PRELID2: variants seen among roughly 807,000 people sequenced by gnomAD.
The protein encoded by PRELID2 is PRELI domain containing 2.
A neutral mutation model predicts 28.4 loss-of-function variants in PRELID2; 25 were observed. The observed-to-expected ratio is 0.88, with a 90% CI of 0.64 to 1.23. PRELID2 has a LOEUF of 1.23. PRELID2 is among the 50% of genes most tolerant of loss of function. PRELID2 has a pLI of 0.00. For missense variants in PRELID2, 201 were observed against 214.4 expected (o/e 0.94, Z 0.39); for synonymous variants, 76 against 71.6 (o/e 1.06, Z -0.31).
At chr5:145,380,839 C>A in the PRELID2 span, among the ~76,000 whole-genome samples, 1 of 152,046 alleles carries the variant, frequency 6.6e-6, no homozygotes, top group African/African-American at 2.4e-5. Context: ...TATTGTCATC[C>A]ATAACAAAGG....
chr5:145,782,986 C>T (rs766508696), intron 5 of PRELID2, among the ~76,000 whole-genome samples: 23 of 152,222 alleles, frequency 1.5e-4, no homozygotes, highest in Non-Finnish European at 2.4e-4. Flanking sequence ...CCTCAGAGAG[C>T]GGCCAAGACA....
At chr5:145,289,803 C>T in the PRELID2 span, among the ~76,000 whole-genome samples, 1 of 152,160 alleles carries the variant, frequency 6.6e-6, no homozygotes, top group Non-Finnish European at 1.5e-5. Flanking sequence ...CATTCTACTA[C>T]ATGTATAGTG....
the PRELID2 span, among the ~76,000 whole-genome samples, chr5:145,246,981 G>C: frequency 1.3e-5 from 2 of 152,168 alleles, no homozygotes; most frequent in Admixed American, 6.5e-5. Context: ...TTATGGTTTA[G>C]GGGTTATGCA....
chr5:145,688,502 T>A (rs894999250), intron 1 of PRELID2, among the ~76,000 whole-genome samples: 4 of 152,128 alleles, frequency 2.6e-5, no homozygotes, highest in Admixed American at 6.5e-5. Flanking sequence ...CAGAAACAGA[T>A]AATCAAACAA....
intron 1 of PRELID2, among the ~76,000 whole-genome samples, chr5:145,688,506 C>A (rs1233215979): frequency 6.6e-6 from 1 of 152,150 alleles, no homozygotes; most frequent in East Asian, 1.9e-4. Context: ...AACAGATAAT[C>A]AAACAATATA....
the PRELID2 span, among the ~76,000 whole-genome samples, chr5:145,432,177 T>C: frequency 1.3e-5 from 2 of 152,286 alleles, no homozygotes; most frequent in Admixed American, 6.5e-5. Context: ...TTATATGACA[T>C]ACACATAACT....
At chr5:145,267,799 G>A in the PRELID2 span, among the ~76,000 whole-genome samples, 2 of 152,156 alleles carry the variant, frequency 1.3e-5, no homozygotes, top group Non-Finnish European at 2.9e-5. Context: ...TGCTTTTTCT[G>A]CACAACCTCA....
Position 145,835,267 on chromosome 5 carries a change from G to T in PRELID2, c.-16C>A. On this transcript the variant is annotated 5_prime_UTR_variant, in exon 1 of 7. Transcript: ENST00000683046. The stretch of plus-strand genomic sequence containing the variant: ...AGACCCCCATCCCCGCGCGCCGCGG[G>T]CCCCGCGCACCGGCCACGCCTCCGC... 2.6e-6 allele frequency: 4 copies of T among 1,539,596 alleles called. No individual in the cohort carries two copies. The highest frequency in any genetic ancestry group is 3.5e-6 in the Non-Finnish European group (4 of 1,138,998).
At chr5:145,364,716 T>G in the PRELID2 span, among the ~76,000 whole-genome samples, 1 of 151,902 alleles carries the variant, frequency 6.6e-6, no homozygotes, top group Admixed American at 6.6e-5. Context: ...AAAATAAAAT[T>G]CTATGGTATA....
At chr5:145,491,464 T>C (rs1019389841) in intron 1 of PRELID2, among the ~76,000 whole-genome samples, 1 of 152,206 alleles carries the variant, frequency 6.6e-6, no homozygotes, top group Non-Finnish European at 1.5e-5. Context: ...TGTGTACAAA[T>C]ATTTTGAAGT....
the PRELID2 span, among the ~76,000 whole-genome samples, chr5:145,424,576 T>C: frequency 6.6e-6 from 1 of 152,192 alleles, no homozygotes; most frequent in Non-Finnish European, 1.5e-5. Context: ...AGTGAGGCAA[T>C]GCCTCACCCT....
At chr5:145,564,557 C>T (rs1034878778) in intron 1 of PRELID2, among the ~76,000 whole-genome samples, 1 of 152,102 alleles carries the variant, frequency 6.6e-6, no homozygotes, top group African/African-American at 2.4e-5. Context: ...AAGCAGAACC[C>T]TCTCCTTATA....
chr5:145,384,296 T>C, the PRELID2 span, among the ~76,000 whole-genome samples: 1 of 152,018 alleles, frequency 6.6e-6, no homozygotes, highest in Non-Finnish European at 1.5e-5. Flanking sequence ...TCCATAAAAA[T>C]CGTTTCACAA....
chr5:145,776,677 C>G (rs372306759), intron 5 of PRELID2, among the ~76,000 whole-genome samples: 1 of 152,184 alleles, frequency 6.6e-6, no homozygotes. Flanking sequence ...CTCTTTCAAG[C>G]TCCTAAACCC....
chr5:145,458,049 C>T, the PRELID2 span, among the ~76,000 whole-genome samples: 13 of 152,116 alleles, frequency 8.5e-5, no homozygotes, highest in Non-Finnish European at 1.9e-4. Flanking sequence ...AGATTTTAGC[C>T]ACCAACTTGT....
chr5:145,294,351 C>G, the PRELID2 span, among the ~76,000 whole-genome samples: 334 of 152,250 alleles, frequency 2.2e-3, 2 homozygotes, highest in African/African-American at 7.7e-3. Context: ...AATAATCTTA[C>G]TTACTGAATC....
At chr5:145,555,050 A>G (rs926982082) in intron 1 of PRELID2, among the ~76,000 whole-genome samples, 1 of 152,232 alleles carries the variant, frequency 6.6e-6, no homozygotes, top group Non-Finnish European at 1.5e-5. Context: ...TTTGGATATA[A>G]GAAAGAGATA....
intron 1 of PRELID2, among the ~76,000 whole-genome samples, chr5:145,593,858 T>C (rs1340416838): frequency 3.3e-5 from 5 of 152,190 alleles, no homozygotes; most frequent in Non-Finnish European, 1.5e-5. Flanking sequence ...TATGACCTTA[T>C]TTGGATCCAG....
intron 1 of PRELID2, among the ~76,000 whole-genome samples, chr5:145,829,970 A>AT (rs1428052157): frequency 6.6e-6 from 1 of 152,242 alleles, no homozygotes. Context: ...GCCAAAATAA[A>AT]TAACACCCAG....
Sources: gnomAD v4.1 joint callset for allele counts (sites outside exome capture counted in the v4.1 genomes callset) on GRCh38, gnomAD v4.1.1 for gene constraint, MANE v1.5 for transcripts, NCBI Gene and HGNC (gene_info 2026-07-23, HGNC 2026-07-21) for gene names.